Variants in PMEPA1 observed in about 807,000 individuals in gnomAD.
PMEPA1 encodes the protein prostate transmembrane protein, androgen induced 1.
A neutral mutation model predicts 23.0 loss-of-function variants in PMEPA1; 11 were observed. The ratio of observed to expected loss-of-function variants is 0.48; its 90% confidence interval spans 0.30 to 0.79. PMEPA1 has a LOEUF of 0.79. Ranked by LOEUF, PMEPA1 falls within the 30% of genes least tolerant of loss-of-function variation. PMEPA1 has a pLI of 0.06. For synonymous variants in PMEPA1, 204 were observed against 166.4 expected (o/e 1.23, Z -1.74); for missense variants, 377 against 390.9 (o/e 0.96, Z 0.30).
At chr20:57,690,364 C>A in intron 1 of PMEPA1, 1 of 1,160,852 alleles carries the variant, frequency 8.6e-7, no homozygotes, top group Non-Finnish European at 1.2e-6. Flanking sequence ...TGCAAATGCT[C>A]CTGAGAATAT....
intron 1 of PMEPA1, among the ~76,000 whole-genome samples, chr20:57,685,639 C>T (rs1268490947): frequency 2.0e-5 from 3 of 151,950 alleles, no homozygotes; most frequent in African/African-American, 7.3e-5. Flanking sequence ...AACTAGAAAC[C>T]ATCATCTGTG....
intron 1 of PMEPA1, among the ~76,000 whole-genome samples, chr20:57,702,591 C>A (rs1160974954): frequency 6.6e-6 from 1 of 152,114 alleles, no homozygotes; most frequent in Non-Finnish European, 1.5e-5. Context: ...CAAAGAAAGC[C>A]CTGGAGCTCA....
At chr20:57,668,139 A>G (rs1420564083) in intron 1 of PMEPA1, among the ~76,000 whole-genome samples, 1 of 152,118 alleles carries the variant, frequency 6.6e-6, no homozygotes, top group Non-Finnish European at 1.5e-5. Context: ...GGACAGGTGA[A>G]CCTGGGACAC....
intron 1 of PMEPA1, among the ~76,000 whole-genome samples, chr20:57,673,646 C>T (rs1012976252): frequency 1.3e-5 from 2 of 152,196 alleles, no homozygotes; most frequent in East Asian, 1.9e-4. Flanking sequence ...GCCACCACCA[C>T]GTGGGACTCC....
intron 1 of PMEPA1, among the ~76,000 whole-genome samples, chr20:57,692,124 C>G (rs1307004426): frequency 6.6e-6 from 1 of 152,236 alleles, no homozygotes; most frequent in Non-Finnish European, 1.5e-5. Context: ...CGAGCATTTA[C>G]AAAGCACCCA....
chr20:57,710,670 G>A (rs901818970), upstream of PMEPA1: 19 of 530,902 alleles, frequency 3.6e-5, no homozygotes, highest in East Asian at 6.6e-5. Context: ...CGGGACCTGG[G>A]GCGAATCCAC....
At chr20:57,689,418 G>A (rs1188535225) in intron 1 of PMEPA1, among the ~76,000 whole-genome samples, 5 of 152,160 alleles carry the variant, frequency 3.3e-5, no homozygotes, top group South Asian at 2.1e-4. Context: ...GTCGGCTGGG[G>A]AGTGGGGCGA....
At chr20:57,695,151 G>A (rs951323583) in intron 1 of PMEPA1, among the ~76,000 whole-genome samples, 3 of 152,256 alleles carry the variant, frequency 2.0e-5, no homozygotes, top group African/African-American at 7.2e-5. Flanking sequence ...ACCTCCCCAA[G>A]ACATGATTCA....
rs570324909 is a variant in PMEPA1, at chr20:57,676,692, G to A, written c.110-16995C>T. Among the ~76,000 whole-genome samples the A allele has an allele frequency of 7.9e-5, 12 of 152,294 alleles. No homozygotes were observed. In the East Asian group the frequency reaches 2.3e-3, roughly 29 times the overall value. ...ATCAGCTCTCCTGCCCTCGAGGGGC[G>A]GAGCTGTGGGAGAGCCACTGGGAGC... On this transcript the variant is annotated intron_variant, in intron 1 of 3. Coordinates refer to ENST00000341744, the MANE Select transcript of PMEPA1 (RefSeq NM_020182.5).
chr20:57,689,002 C>T (rs777369339), intron 1 of PMEPA1, among the ~76,000 whole-genome samples: 3 of 152,172 alleles, frequency 2.0e-5, no homozygotes, highest in Non-Finnish European at 4.4e-5. Flanking sequence ...GCTGGCAGCC[C>T]GCCCCAGACT....
chr20:57,656,828 G>A lies in PMEPA1; in HGVS notation c.264+2715C>T, dbSNP rs910809415. Among the ~76,000 whole-genome samples, 3 of 152,220 alleles carry A rather than the reference G, an allele frequency of 2.0e-5. No homozygotes were observed. The highest frequency in any genetic ancestry group is 3.9e-4 in the East Asian group (2 of 5,188). ...GCCATGGTCGGATAGCCATGCCAGG[G>A]GCAGAGCATGGATGGGCTGGGGGGA... On this transcript the variant is annotated intron_variant, in intron 2 of 3. Transcript: ENST00000341744. This position sits in a 1 kb window ranked among gnomAD's most constrained non-coding sequence, Gnocchi z 4.7.
intron 1 of PMEPA1, among the ~76,000 whole-genome samples, chr20:57,689,181 G>A (rs3829691): frequency 0.23 from 35,558 of 152,110 alleles, 5,181 homozygotes; most frequent in East Asian, 0.55. Context: ...CTGGTCACTC[G>A]CTGGGCAGGC....
At chr20:57,665,771 C>T (rs169409) in intron 1 of PMEPA1, among the ~76,000 whole-genome samples, 61,768 of 152,122 alleles carry the variant, frequency 0.41, 12,735 homozygotes, top group East Asian at 0.53. Flanking sequence ...TCAAGTCAGT[C>T]CCAAAGGTCA....
At chr20:57,678,059 A>C (rs2071662214) in intron 1 of PMEPA1, among the ~76,000 whole-genome samples, 3 of 152,220 alleles carry the variant, frequency 2.0e-5, no homozygotes, top group Admixed American at 2.0e-4. Context: ...ATACAGTTAG[A>C]AAAGGGTAGA....
intron 2 of PMEPA1, among the ~76,000 whole-genome samples, chr20:57,658,710 T>A (rs2071362104): frequency 6.6e-6 from 1 of 152,080 alleles, no homozygotes; most frequent in South Asian, 2.1e-4. Context: ...CTGGTGGAGA[T>A]GGGATTAAAC....
chr20:57,687,943 C>T (rs1414006370), intron 1 of PMEPA1, among the ~76,000 whole-genome samples: 1 of 152,230 alleles, frequency 6.6e-6, no homozygotes, highest in Non-Finnish European at 1.5e-5. Context: ...TAAGTCTGAA[C>T]CTGCATCTAG....
chr20:57,667,673 T>A (rs931277746), intron 1 of PMEPA1, among the ~76,000 whole-genome samples: 3 of 152,198 alleles, frequency 2.0e-5, no homozygotes, highest in African/African-American at 2.4e-5. Flanking sequence ...AATTAGGAAT[T>A]GGCGCTGTCT....
At chr20:57,667,623 T>C (rs1468086958) in intron 1 of PMEPA1, among the ~76,000 whole-genome samples, 1 of 152,178 alleles carries the variant, frequency 6.6e-6, no homozygotes, top group Non-Finnish European at 1.5e-5. Flanking sequence ...AAGCAGCCAG[T>C]GCATGGGGCC....
In PMEPA1 at chr20:57,704,191, T is replaced by C. The variant is rs946893569; in HGVS notation, c.109+5283A>G. ...TCGGCTGCCCTGGAACGGAAAGATC[T>C]GGCCACTCAGGGCCCATGTGGCAAT... On this transcript the variant is annotated intron_variant, in intron 1 of 3. Coordinates refer to ENST00000341744, the MANE Select transcript of PMEPA1 (RefSeq NM_020182.5). This position sits in a 1 kb window ranked among gnomAD's most constrained non-coding sequence, Gnocchi z 4.6. 1.3e-5 allele frequency among the ~76,000 whole-genome samples: 2 copies of C among 152,220 alleles called. No homozygotes were observed. The highest frequency in any genetic ancestry group is 2.4e-5 in the African/African-American group (1 of 41,452).
Sources: allele counts gnomAD v4.1 joint callset (sites outside exome capture counted in the v4.1 genomes callset), GRCh38; gene constraint gnomAD v4.1.1; non-coding constraint Gnocchi (gnomAD v3.1); transcripts MANE v1.5; gene names NCBI Gene and HGNC (gene_info 2026-07-23, HGNC 2026-07-21).